The following TMCO6 variants were observed in gnomAD, a reference collection of about 807,000 sequenced individuals.
TMCO6 encodes the protein transmembrane and coiled-coil domain-containing protein 6.
Under a neutral mutation model 61.8 loss-of-function variants are expected in TMCO6, and 47 were observed. The ratio of observed to expected loss-of-function variants is 0.76; its 90% CI spans 0.60 to 0.97. The LOEUF (loss-of-function observed/expected upper bound fraction) is 0.97, where lower values mean the gene tolerates loss of function less well. Among genes scored for constraint, TMCO6 ranks in the 50% least tolerant of loss-of-function variants. TMCO6 has a pLI of 0.00. For synonymous variants in TMCO6, 261 were observed against 254.2 expected (o/e 1.03, Z -0.25); for missense variants, 557 against 601.6 (o/e 0.93, Z 0.78).
At chr5:140,604,155 A>G in the TMCO6 span, among the ~76,000 whole-genome samples, 1 of 152,156 alleles carries the variant, frequency 6.6e-6, no homozygotes, top group East Asian at 1.9e-4. Flanking sequence ...GTGGAGAAAT[A>G]GCCATTCAAG....
At chr5:140,645,578 G>T, downstream of TMCO6, 1 of 1,614,108 alleles carries the variant, frequency 6.2e-7, no homozygotes, top group Non-Finnish European at 8.5e-7. Flanking sequence ...TTAATCCTCA[G>T]TGGAGGCTTC....
the TMCO6 span, among the ~76,000 whole-genome samples, chr5:140,597,019 T>C: frequency 2.0e-5 from 3 of 152,228 alleles, no homozygotes; most frequent in Non-Finnish European, 4.4e-5. Context: ...GCTCCTATAA[T>C]TCTAAAGATT....
chr5:140,636,218 G>C (rs1048181073), upstream of TMCO6, among the ~76,000 whole-genome samples: 1 of 152,060 alleles, frequency 6.6e-6, no homozygotes, highest in Non-Finnish European at 1.5e-5. Context: ...TGCTGGTCTC[G>C]AACTCCTGAC....
chr5:140,619,202 G>T, the TMCO6 span, among the ~76,000 whole-genome samples: 1 of 152,158 alleles, frequency 6.6e-6, no homozygotes, highest in East Asian at 1.9e-4. Context: ...ATATACAGAT[G>T]GCAAATAAGC....
the TMCO6 span, among the ~76,000 whole-genome samples, chr5:140,598,932 T>A: frequency 6.6e-6 from 1 of 152,104 alleles, no homozygotes; most frequent in Non-Finnish European, 1.5e-5. Flanking sequence ...CAAGACTCCA[T>A]CTCAAAAACA....
At position 140,642,587 on chromosome 5, in the gene TMCO6, C is replaced by G. The variant is rs779495860; in HGVS notation, c.605C>G (p.Ser202Cys). Residue 202 changes from serine to cysteine, a missense_variant and splice_region_variant, in exon 6 of 12, where the codon TCC (serine) becomes TGC (cysteine). Ser to Cys is a moderately radical substitution (Grantham distance 112, BLOSUM62 -1). Transcript: ENST00000394671. ...IVPALAACIQ[S>C]PHVAVLEALG... The stretch of plus-strand genomic sequence containing the variant: ...GATCCTTACCCTGTCTACTTCCAGT[C>G]CCCCCATGTGGCTGTGCTGGAAGCT... 6.8e-6 allele frequency: 11 copies of G among 1,613,926 alleles called. No individual in the cohort carries two copies. The highest frequency in any genetic ancestry group is 6.7e-5 in the African/African-American group (5 of 74,924).
At chr5:140,614,892 C>T in the TMCO6 span, among the ~76,000 whole-genome samples, 4 of 152,142 alleles carry the variant, frequency 2.6e-5, no homozygotes, top group South Asian at 2.1e-4. Flanking sequence ...TGAGCCACCT[C>T]GCCCAGCGGG....
At chr5:140,639,312 G>C (rs62384216), upstream of TMCO6, 11 of 570,018 alleles carry the variant, frequency 1.9e-5, no homozygotes, top group Admixed American at 3.2e-4. Flanking sequence ...TCTGGCTCTG[G>C]TCTAGTGGTG....
At chr5:140,603,358 A>G in the TMCO6 span, among the ~76,000 whole-genome samples, 1 of 151,874 alleles carries the variant, frequency 6.6e-6, no homozygotes, top group South Asian at 2.1e-4. Flanking sequence ...CCCAGGCTGG[A>G]GTGCAGTGAC....
chr5:140,628,815 A>C, the TMCO6 span, among the ~76,000 whole-genome samples: 1 of 152,202 alleles, frequency 6.6e-6, no homozygotes, highest in Non-Finnish European at 1.5e-5. Context: ...ATTAAGTAAA[A>C]TAAGGGTTAC....
intron 11 of TMCO6, 106 bp from the exon 12 acceptor site, chr5:140,644,879 C>G (rs1033268964): frequency 1.3e-6 from 2 of 1,503,358 alleles, no homozygotes; most frequent in Admixed American, 3.7e-5. Flanking sequence ...ACTTCATCCT[C>G]TTGTTGGGGA....
downstream of TMCO6, among the ~76,000 whole-genome samples, chr5:140,646,239 G>A (rs184040783): frequency 1.9e-3 from 288 of 152,244 alleles, 1 homozygote; most frequent in African/African-American, 6.6e-3. Flanking sequence ...TTGAACTCCT[G>A]ACCTCAGGTG....
the TMCO6 span, among the ~76,000 whole-genome samples, chr5:140,601,694 C>G: frequency 6.6e-6 from 1 of 152,128 alleles, no homozygotes; most frequent in Non-Finnish European, 1.5e-5. Context: ...AAGTGTATTC[C>G]CTGTGCCAGC....
At chr5:140,646,219 C>G (rs1168886497), downstream of TMCO6, among the ~76,000 whole-genome samples, 1 of 152,082 alleles carries the variant, frequency 6.6e-6, no homozygotes, top group Middle Eastern at 3.2e-3. Flanking sequence ...CCATGTTGGC[C>G]AGGCTGGTCT....
In TMCO6 at chr5:140,645,162, C is replaced by A; in HGVS notation, c.*64C>A. The A allele has an allele frequency of 6.6e-7, 1 of 1,526,714 alleles. No homozygotes were observed. Among genetic ancestry groups the A allele is most frequent in the Non-Finnish European group, 9.1e-7 (1 of 1,104,332 alleles). The allele number at this position is 1,526,714 out of a possible 1,614,324, so 94.6% of individuals were successfully genotyped here. The stretch of plus-strand genomic sequence containing the variant: ...CATCAAGCTTGTTTGTCCAGTAGAG[C>A]CTTTGGAGATTTAGGACCATAATGA... On this transcript the variant is annotated 3_prime_UTR_variant, in exon 12 of 12. Transcript: ENST00000394671.
chr5:140,645,571 A>G, downstream of TMCO6: 1 of 1,614,048 alleles, frequency 6.2e-7, no homozygotes, highest in East Asian at 2.2e-5. Context: ...GTTGCTCTTA[A>G]TCCTCAGTGG....
rs959175783 is a variant in TMCO6, at chr5:140,645,244, C to T, written c.*146C>T. 3 of 804,400 alleles carry T rather than the reference C, an allele frequency of 3.7e-6. No individual in the cohort carries two copies. The highest frequency in any genetic ancestry group is 6.0e-6 in the Non-Finnish European group (3 of 496,906). 49.8% of individuals were successfully genotyped at this position (804,400 alleles called of 1,614,324 possible). On this transcript the variant is annotated 3_prime_UTR_variant, in exon 12 of 12. Transcript: ENST00000394671. ...CAAGACCTTTGGGTCCCAGCTCCTC[C>T]CCTTCCACTCAGCACTATCCAGGCA...
intron 2 of TMCO6, among the ~76,000 whole-genome samples, chr5:140,640,409 T>TC (rs1756946709): frequency 6.6e-6 from 1 of 151,084 alleles, no homozygotes; most frequent in South Asian, 2.1e-4. Flanking sequence ...TTTTTTCTTT[T>TC]CTTTTCTTTT....
the TMCO6 span, among the ~76,000 whole-genome samples, chr5:140,620,474 A>G: frequency 6.6e-6 from 1 of 152,172 alleles, no homozygotes; most frequent in East Asian, 1.9e-4. Context: ...CATTTGTCCA[A>G]ACCTAAAGGA....
Sources: gnomAD v4.1 joint callset for allele counts (sites outside exome capture counted in the v4.1 genomes callset) on GRCh38, gnomAD v4.1.1 for gene constraint, MANE v1.5 for transcripts, NCBI Gene and HGNC (gene_info 2026-07-23, HGNC 2026-07-21) for gene names.